FBXO27: variants seen among roughly 807,000 people sequenced by gnomAD.
The protein encoded by FBXO27 is F-box protein 27, also known as F-box only protein 27.
Under a neutral mutation model 28.3 loss-of-function variants are expected in FBXO27, and 28 were observed. The ratio of observed to expected loss-of-function variants is 0.99; its 90% CI spans 0.73 to 1.36. The LOEUF is 1.36. Ranked by LOEUF, FBXO27 falls within the 40% of genes most tolerant of loss-of-function variation. FBXO27 has a pLI of 0.00. For missense variants in FBXO27, 388 were observed against 394.1 expected (o/e 0.98, Z 0.13); for synonymous variants, 175 against 167.3 (o/e 1.05, Z -0.36).
chr19:39,031,226 G>A lies in FBXO27; in HGVS notation c.459C>T (p.Cys153=), dbSNP rs2072900676. ...TTVPGAPSQT[C]FVTSFSWCCK... ...GCATTCACCTGAATGAAGTCACGAA[G>A]CACGTCTGAGAAGGGGCCCCAGGCA... The change falls in exon 3 of 6, where the codon TGC becomes TGT. Residue 153 remains cysteine (C), a synonymous_variant. Transcript: ENST00000292853. 6.2e-7 allele frequency: 1 copy of A among 1,614,010 alleles called. No homozygotes were observed. The highest frequency in any genetic ancestry group is 8.5e-7 in the Non-Finnish European group (1 of 1,180,038).
downstream of FBXO27, among the ~76,000 whole-genome samples, chr19:39,022,283 C>T (rs555993579): frequency 2.0e-5 from 3 of 149,508 alleles, no homozygotes; most frequent in African/African-American, 2.5e-5. Flanking sequence ...TACAGGCACA[C>T]GCTCCCCCAC....
downstream of FBXO27, among the ~76,000 whole-genome samples, chr19:39,023,151 C>T (rs1207595452): frequency 6.6e-6 from 1 of 152,030 alleles, no homozygotes. Context: ...GTTGGCTAGC[C>T]TGGTCTCGAA....
chr19:39,021,448 T>C (rs2072844788), downstream of FBXO27, among the ~76,000 whole-genome samples: 1 of 152,184 alleles, frequency 6.6e-6, no homozygotes, highest in Non-Finnish European at 1.5e-5. Flanking sequence ...ACTTTTATGA[T>C]GACCACCTCC....
chr19:39,019,068 C>CAAA (rs71167615), downstream of FBXO27, among the ~76,000 whole-genome samples: 2 of 124,442 alleles, frequency 1.6e-5, no homozygotes, highest in African/African-American at 3.1e-5. Flanking sequence ...GACTCTATCA[C>CAAA]AAAAAAAAAA....
chr19:39,029,007 A>C (rs1223391120), intron 4 of FBXO27, among the ~76,000 whole-genome samples: 1 of 148,026 alleles, frequency 6.8e-6, no homozygotes, highest in African/African-American at 2.5e-5. Flanking sequence ...ACGCCACTGC[A>C]CTCCAGCCTG....
At chr19:39,019,958 G>C (rs188772049), downstream of FBXO27, among the ~76,000 whole-genome samples, 127 of 152,140 alleles carry the variant, frequency 8.3e-4, no homozygotes, top group African/African-American at 2.6e-3. Flanking sequence ...TCACCATGTT[G>C]GCCAGGCTGA....
chr19:39,019,136 G>A (rs1044071685), downstream of FBXO27, among the ~76,000 whole-genome samples: 2 of 147,840 alleles, frequency 1.4e-5, no homozygotes, highest in African/African-American at 5.0e-5. Flanking sequence ...TATAAGAAAG[G>A]CATACTTGCC....
chr19:39,030,248 C>T (rs1249019051), intron 4 of FBXO27, among the ~76,000 whole-genome samples: 1 of 152,178 alleles, frequency 6.6e-6, no homozygotes, highest in Non-Finnish European at 1.5e-5. Flanking sequence ...AAGGTGCTCA[C>T]ATAAAGTACT....
At chr19:39,007,006 G>A (rs1975738844) in intron 2 of FBXO27, among the ~76,000 whole-genome samples, 1 of 134,606 alleles carries the variant, frequency 7.4e-6, no homozygotes, top group South Asian at 2.4e-4. Flanking sequence ...CCAGGAATTC[G>A]AAGCTGCAGT....
chr19:39,016,892 A>C (rs1321946607), intron 1 of FBXO27, among the ~76,000 whole-genome samples: 2 of 152,096 alleles, frequency 1.3e-5, no homozygotes, highest in Non-Finnish European at 2.9e-5. Context: ...GATTTTAACA[A>C]GGGCTTATTA....
intron 5 of FBXO27, among the ~76,000 whole-genome samples, chr19:39,026,403 G>A (rs918170628): frequency 2.0e-5 from 3 of 152,184 alleles, no homozygotes; most frequent in African/African-American, 7.2e-5. Context: ...TGAAAGACAG[G>A]AGCCAGAACT....
intron 2 of FBXO27, among the ~76,000 whole-genome samples, chr19:39,010,855 C>T (rs1343967064): frequency 6.6e-6 from 1 of 152,222 alleles, no homozygotes; most frequent in Non-Finnish European, 1.5e-5. Context: ...TTCAATAAAG[C>T]TGTTTTCTTC....
intron 1 of FBXO27, among the ~76,000 whole-genome samples, chr19:39,016,245 A>C (rs2072819120): frequency 1.3e-5 from 2 of 152,168 alleles, no homozygotes; most frequent in South Asian, 4.1e-4. Context: ...AGAATGCACG[A>C]CACCAAGTGT....
At chr19:39,022,146 C>CTTT (rs532602600), downstream of FBXO27, among the ~76,000 whole-genome samples, 15 of 89,056 alleles carry the variant, frequency 1.7e-4, no homozygotes, top group African/African-American at 5.5e-4. Context: ...ATTTTCTATT[C>CTTT]TTTTTTTTTT....
At chr19:39,019,467 A>G (rs1251446307), downstream of FBXO27, among the ~76,000 whole-genome samples, 3 of 123,744 alleles carry the variant, frequency 2.4e-5, no homozygotes, top group Non-Finnish European at 5.1e-5. Context: ...AAAAAAAAAA[A>G]AAAAGAAAGA....
In FBXO27 at chr19:39,031,924, C is replaced by G; in HGVS notation, c.304G>C (p.Gly102Arg). ...PARNARPCPLGRFCARRPIGR... is the reference protein window; with the variant it reads ...PARNARPCPLRRFCARRPIGR... The stretch of plus-strand genomic sequence containing the variant: ...ATGGGTCTGCGCGCGCAGAAGCGGC[C>G]CAGGGGGCAAGGCCTGGCGTTACGG... The change falls in exon 2 of 6, where the codon GGC becomes CGC. Residue 102 changes from glycine (G) to arginine (R), a missense_variant. Physicochemically the swap from Gly to Arg is moderately radical, Grantham distance 125. Coordinates refer to ENST00000292853, the MANE Select transcript of FBXO27 (RefSeq NM_178820.5). 1 of 1,511,636 alleles carries G rather than the reference C, an allele frequency of 6.6e-7. No individual in the cohort carries two copies. The highest frequency in any genetic ancestry group is 8.8e-7 in the Non-Finnish European group (1 of 1,141,772). The allele number at this position is 1,511,636 out of a possible 1,614,324, so 93.6% of individuals were successfully genotyped here. A position where few individuals can be genotyped will look rare whatever the true frequency, so the allele number is the denominator to read the frequency against.
At chr19:39,010,222 C>T (rs1032409293) in intron 2 of FBXO27, among the ~76,000 whole-genome samples, 7 of 150,938 alleles carry the variant, frequency 4.6e-5, no homozygotes, top group Non-Finnish European at 8.8e-5. Flanking sequence ...AAAGAGATAT[C>T]CCTGTATTCT....
chr19:39,011,700 G>C (rs775490293), intron 2 of FBXO27, among the ~76,000 whole-genome samples: 14,131 of 122,442 alleles, frequency 0.12, 993 homozygotes, highest in Non-Finnish European at 0.14. Flanking sequence ...CGGCGGGGGA[G>C]GGGGGGTCTC....
At chr19:39,026,457 G>C (rs112321461) in intron 5 of FBXO27, among the ~76,000 whole-genome samples, 1 of 152,074 alleles carries the variant, frequency 6.6e-6, no homozygotes, top group Non-Finnish European at 1.5e-5. Context: ...CAGAAATCAC[G>C]AGAGGTAGTC....
Sources: allele counts gnomAD v4.1 joint callset (sites outside exome capture counted in the v4.1 genomes callset), GRCh38; gene constraint gnomAD v4.1.1; transcripts MANE v1.5; gene names NCBI Gene and HGNC (gene_info 2026-07-23, HGNC 2026-07-21).